Variants in TAS2R3 observed in about 807,000 individuals in gnomAD.
TAS2R3 encodes taste 2 receptor member 3, also known as taste receptor type 2 member 3.
In TAS2R3, 10 loss-of-function variants were observed where a neutral mutation model predicts 15.3. That is an observed-to-expected ratio of 0.65 (90% CI 0.40 to 1.11). The LOEUF is 1.11. Ranked by LOEUF, TAS2R3 falls within the 50% of genes least tolerant of loss-of-function variation. The probability of loss-of-function intolerance (pLI) is 0.00; values close to 1 mark genes in which losing one functional copy is unlikely to be tolerated. For synonymous variants in TAS2R3, 162 were observed against 141.3 expected (o/e 1.15, Z -1.04); for missense variants, 383 against 370.3 (o/e 1.03, Z -0.28).
At position 141,764,572 on chromosome 7, in the gene TAS2R3, G is replaced by A. The variant is rs144545407; in HGVS notation, c.414G>A (p.Leu138=). ...TGGTATGGATGCTGTTGGGTGCACT[G>A]CTCTTATCCTGTGGTAGTACCGCAT... ...RVMVWMLLGA[L]LLSCGSTASL... The change falls in exon 1 of 1, where the codon CTG becomes CTA. Residue 138 remains leucine (L), a synonymous_variant. Transcript: ENST00000247879. 4.3e-6 allele frequency: 7 copies of A among 1,614,086 alleles called. No homozygotes were observed. In the African/African-American group the frequency reaches 9.3e-5, roughly 22 times the overall value.
Position 141,764,114 on chromosome 7 carries a change from T to C in TAS2R3, c.-45T>C, listed in dbSNP as rs765007. The C allele has an allele frequency of 0.51, 792,147 of 1,563,914 alleles. 202,803 individuals are homozygous for C. The highest frequency in any genetic ancestry group is 0.77 in the East Asian group (34,104 of 44,438). ...ATATCACATCAGTGAGGAGATTCTA[T>C]GTATCAACAGAAAGAACAAAGATCA... On this transcript the variant is annotated 5_prime_UTR_variant, in exon 1 of 1. An upstream start codon of the reference 5' UTR is lost. Transcript: ENST00000247879.
Position 141,764,905 on chromosome 7 carries a change from T to A in TAS2R3, c.747T>A (p.Ala249=), listed in dbSNP as rs1800106801. 6.2e-7 allele frequency: 1 copy of A among 1,614,134 alleles called. No homozygotes were observed. The highest frequency in any genetic ancestry group is 1.3e-5 in the African/African-American group (1 of 74,946). ...FFFLFLLYFL[A]FLIASFGNFL... Reference sequence around the variant, plus strand: ...TTCTCTTCTTACTTTACTTTCTTGCTTTCTTAATTGCATCATTTGGTAATT... The same window carrying A: ...TTCTCTTCTTACTTTACTTTCTTGCATTCTTAATTGCATCATTTGGTAATT... The change falls in exon 1 of 1, where the codon GCT becomes GCA. Residue 249 remains alanine, a synonymous_variant. Coordinates refer to ENST00000247879, the MANE Select transcript of TAS2R3 (RefSeq NM_016943.2).
In TAS2R3 at chr7:141,764,387, G is replaced by A; in HGVS notation, c.229G>A (p.Asp77Asn). Reference sequence around the variant, plus strand: ...AATAGAATTCTCTCCCAACACACATGATTCAGGGATAATAATGCAAATTAT... The same window carrying A: ...AATAGAATTCTCTCCCAACACACATAATTCAGGGATAATAATGCAAATTAT... ...FLIEFSPNTH[D>N]SGIIMQIIDV... Residue 77 changes from aspartate (D) to asparagine (N), a missense_variant, in exon 1 of 1, where the codon GAT becomes AAT. Coordinates refer to ENST00000247879, the MANE Select transcript of TAS2R3 (RefSeq NM_016943.2). 6.2e-7 allele frequency: 1 copy of A among 1,614,116 alleles called. No individual in the cohort carries two copies.
At position 141,764,273 on chromosome 7, in the gene TAS2R3, A is replaced by G. The variant is rs1255387719; in HGVS notation, c.115A>G (p.Lys39Glu). The G allele has an allele frequency of 6.2e-7, 1 of 1,614,232 alleles. No homozygotes were observed. The highest frequency in any genetic ancestry group is 2.2e-5 in the East Asian group (1 of 44,886). The change falls in exon 1 of 1, where the codon AAG becomes GAG. Residue 39 changes from lysine (K) to glutamate (E), a missense_variant. Lys to Glu is a moderately conservative substitution (Grantham distance 56, BLOSUM62 1). Transcript: ENST00000247879. ...LVNGSSWFKTKRMSLSDFIIT... is the reference protein window; with the variant it reads ...LVNGSSWFKTERMSLSDFIIT... ...CAATGGTAGCAGCTGGTTCAAGACC[A>G]AGAGAATGTCTTTGTCTGACTTCAT...
Position 141,764,661 on chromosome 7 carries a change from C to G in TAS2R3, c.503C>G (p.Thr168Ser). ...GGAATTGAGGCCACCAGGAATGTGA[C>G]TGAACACTTCAGAAAGAAGAGGAGT... ...FRGIEATRNV[T>S]EHFRKKRSEY... Residue 168 changes from threonine to serine, a missense_variant, in exon 1 of 1, where the codon ACT becomes AGT. Transcript: ENST00000247879. 6.2e-7 allele frequency: 1 copy of G among 1,614,160 alleles called. No homozygotes were observed. Among genetic ancestry groups the G allele is most frequent in the Non-Finnish European group, 8.5e-7 (1 of 1,180,036 alleles).
the TAS2R3 span, chr7:141,764,408 AT>A: frequency 1.2e-6 from 2 of 1,614,108 alleles, no homozygotes; most frequent in Non-Finnish European, 1.7e-6. Context: ...AATAATGCAA[AT>A]TATTGATGTT....
In TAS2R3 at chr7:141,764,335, G is replaced by C; in HGVS notation, c.177G>C (p.Leu59=). The C allele has an allele frequency of 1.9e-6, 3 of 1,614,206 alleles. No homozygotes were observed. Among genetic ancestry groups the C allele is most frequent in the Middle Eastern group, 1.6e-4 (1 of 6,062 alleles). The change falls in exon 1 of 1, where the codon CTG becomes CTC. Residue 59 remains leucine (L), a synonymous_variant. Transcript: ENST00000247879. ...TTLALLRIIL[L]CIILTDSFLI... is the part of the protein sequence containing the mutation. ...TGGCACTCTTGAGGATCATTCTGCTGTGTATTATCTTGACTGATAGTTTTT... is the reference window on the plus strand; with the variant it reads ...TGGCACTCTTGAGGATCATTCTGCTCTGTATTATCTTGACTGATAGTTTTT...
At position 141,764,780 on chromosome 7, in the gene TAS2R3, G is replaced by A. The variant is rs759037655; in HGVS notation, c.622G>A (p.Gly208Arg). ...CTACTCTTTGCTCATCTTCTCCCTG[G>A]GGAGGCACACACGGCAGATGCTGCA... Reference protein sequence around the residue: ...ASYSLLIFSLGRHTRQMLQNG... With the variant: ...ASYSLLIFSLRRHTRQMLQNG... Residue 208 changes from glycine (G) to arginine (R), a missense_variant, in exon 1 of 1, where the codon GGG (glycine) becomes AGG (arginine). Transcript: ENST00000247879. The A allele has an allele frequency of 2.5e-6, 4 of 1,613,806 alleles. No individual in the cohort carries two copies. The highest frequency in any genetic ancestry group is 3.4e-6 in the Non-Finnish European group (4 of 1,179,888).
At chr7:141,764,366 G>T in the TAS2R3 span, 46 of 1,614,082 alleles carry the variant, frequency 2.8e-5, no homozygotes, top group South Asian at 4.7e-4. Flanking sequence ...TTTTTTAATA[G>T]AATTCTCTCC....
In TAS2R3 at chr7:141,764,500, C is replaced by T; in HGVS notation, c.342C>T (p.Phe114=). The T allele has an allele frequency of 2.5e-6, 4 of 1,614,148 alleles. No individual in the cohort carries two copies. The highest frequency in any genetic ancestry group is 3.4e-6 in the Non-Finnish European group (4 of 1,180,038). The change falls in exon 1 of 1, where the codon TTC becomes TTT. Residue 114 remains phenylalanine (F), a synonymous_variant. Coordinates refer to ENST00000247879, the MANE Select transcript of TAS2R3 (RefSeq NM_016943.2). ...GVLYCLKIAS[F]SHPTFLWLKW... is the part of the protein sequence containing the mutation. ...TCTACTGCCTGAAAATCGCCAGTTT[C>T]TCTCACCCCACATTCCTCTGGCTCA...
Position 141,765,046 on chromosome 7 carries a change from A to G in TAS2R3, c.888A>G (p.Val296=). The G allele has an allele frequency of 1.9e-6, 3 of 1,614,172 alleles. No individual in the cohort carries two copies. Among genetic ancestry groups the G allele is most frequent in the Middle Eastern group, 1.6e-4 (1 of 6,062 alleles). The change falls in exon 1 of 1, where the codon GTA becomes GTG. Residue 296 remains valine (V), a synonymous_variant. Coordinates refer to ENST00000247879, the MANE Select transcript of TAS2R3 (RefSeq NM_016943.2). Reference sequence around the variant, plus strand: ...ACAGTAAGCTGAAGCAGACATTTGTAGTGATGCTCCGGTGTGAGTCTGGTC... The same window carrying G: ...ACAGTAAGCTGAAGCAGACATTTGTGGTGATGCTCCGGTGTGAGTCTGGTC... ...LGNSKLKQTF[V]VMLRCESGHL...
rs998212808 is a variant in TAS2R3, at chr7:141,764,335, G to A, written c.177G>A (p.Leu59=). The A allele has an allele frequency of 2.5e-6, 4 of 1,614,206 alleles. No individual in the cohort carries two copies. Among genetic ancestry groups the A allele is most frequent in the South Asian group, 1.1e-5 (1 of 91,082 alleles). ...TTLALLRIIL[L]CIILTDSFLI... The stretch of plus-strand genomic sequence containing the variant: ...TGGCACTCTTGAGGATCATTCTGCT[G>A]TGTATTATCTTGACTGATAGTTTTT... The change falls in exon 1 of 1, where the codon CTG becomes CTA. Residue 59 remains leucine (L), a synonymous_variant. Coordinates refer to ENST00000247879, the MANE Select transcript of TAS2R3 (RefSeq NM_016943.2).
Position 141,764,727 on chromosome 7 carries a change from T to C in TAS2R3, c.569T>C (p.Leu190Pro). 6.2e-7 allele frequency: 1 copy of C among 1,614,102 alleles called. No individual in the cohort carries two copies. Among genetic ancestry groups the C allele is most frequent in the Non-Finnish European group, 8.5e-7 (1 of 1,179,988 alleles). The change falls in exon 1 of 1, where the codon CTG (leucine) becomes CCG (proline). Residue 190 changes from leucine (L) to proline (P), a missense_variant. Physicochemically the swap from Leu to Pro is moderately conservative, Grantham distance 98 (BLOSUM62 -3). Transcript: ENST00000247879. The stretch of plus-strand genomic sequence containing the variant: ...CATGTTCTTGGGACTCTGTGGTACC[T>C]GCCTCCCTTAATTGTGTCCCTGGCC... The part of the protein sequence containing the change: ...LIHVLGTLWY[L>P]PPLIVSLASY...
Position 141,764,220 on chromosome 7 carries a change from T to G in TAS2R3, c.62T>G (p.Ile21Ser), listed in dbSNP as rs1181668587. The change falls in exon 1 of 1, where the codon ATT becomes AGT. Residue 21 changes from isoleucine to serine, a missense_variant. Transcript: ENST00000247879. Reference sequence around the variant, plus strand: ...TCTGGCACTCAGTTCACACTGGGAATTCTGGTCAATTGTTTCATTGAGTTG... The same window carrying G: ...TCTGGCACTCAGTTCACACTGGGAAGTCTGGTCAATTGTTTCATTGAGTTG... The part of the protein sequence containing the change: ...ILSGTQFTLG[I>S]LVNCFIELVN... 2 of 1,614,062 alleles carry G rather than the reference T, an allele frequency of 1.2e-6. No homozygotes were observed. Among genetic ancestry groups the G allele is most frequent in the Non-Finnish European group, 1.7e-6 (2 of 1,180,032 alleles).
In TAS2R3 at chr7:141,764,745, C is replaced by G; in HGVS notation, c.587C>G (p.Ser196Cys). The G allele has an allele frequency of 6.2e-7, 1 of 1,613,876 alleles. No individual in the cohort carries two copies. Among genetic ancestry groups the G allele is most frequent in the African/African-American group, 1.3e-5 (1 of 75,038 alleles). Residue 196 changes from serine to cysteine, a missense_variant, in exon 1 of 1, where the codon TCC becomes TGC. By Grantham distance (112) the Ser-to-Cys change is moderately radical (BLOSUM62 -1). Transcript: ENST00000247879. ...TGGTACCTGCCTCCCTTAATTGTGTCCCTGGCCTCCTACTCTTTGCTCATC... is the reference window on the plus strand; with the variant it reads ...TGGTACCTGCCTCCCTTAATTGTGTGCCTGGCCTCCTACTCTTTGCTCATC... ...TLWYLPPLIV[S>C]LASYSLLIFS... is the part of the protein sequence containing the mutation.
Position 141,765,178 on chromosome 7 carries a change from GAC to G in TAS2R3, c.*70_*71del. 2 of 1,475,890 alleles carry G rather than the reference GAC, an allele frequency of 1.4e-6. No individual in the cohort carries two copies. Among genetic ancestry groups the G allele is most frequent in the Non-Finnish European group, 1.8e-6 (2 of 1,096,498 alleles). 91.4% of individuals were successfully genotyped at this position (1,475,890 alleles called of 1,614,324 possible). On this transcript the variant is annotated 3_prime_UTR_variant, in exon 1 of 1. Coordinates refer to ENST00000247879, the MANE Select transcript of TAS2R3 (RefSeq NM_016943.2). ...GGCTCAAGACTACAGGACTCTTCCTGACCTTCCTATGTTACCAGTTCCATAAC... is the reference window on the plus strand; with the variant it reads ...GGCTCAAGACTACAGGACTCTTCCTGCTTCCTATGTTACCAGTTCCATAAC...
At position 141,765,070 on chromosome 7, in the gene TAS2R3, T is replaced by C; in HGVS notation, c.912T>C (p.Gly304=). Residue 304 remains glycine (G), a synonymous_variant, in exon 1 of 1, where the codon GGT becomes GGC. Transcript: ENST00000247879. ...TFVVMLRCES[G]HLKPGSKGPI... ...TAGTGATGCTCCGGTGTGAGTCTGG[T>C]CATCTGAAGCCTGGATCCAAGGGAC... 2 of 1,613,946 alleles carry C rather than the reference T, an allele frequency of 1.2e-6. No homozygotes were observed. Among genetic ancestry groups the C allele is most frequent in the Middle Eastern group, 3.3e-4 (2 of 6,062 alleles).
Position 141,764,179 on chromosome 7 carries a change from G to T in TAS2R3, c.21G>T (p.Gly7=), listed in dbSNP as rs371445965. MMGLTE[G]VFLILSGTQF... ...CTGACATGATGGGACTCACCGAGGG[G>T]GTGTTCCTGATTCTGTCTGGCACTC... is the stretch of plus-strand genomic sequence containing the variant. The change falls in exon 1 of 1, where the codon GGG becomes GGT. Residue 7 remains glycine (G), a synonymous_variant. Coordinates refer to ENST00000247879, the MANE Select transcript of TAS2R3 (RefSeq NM_016943.2). 1.9e-6 allele frequency: 3 copies of T among 1,613,238 alleles called. No individual in the cohort carries two copies. Among genetic ancestry groups the T allele is most frequent in the East Asian group, 2.2e-5 (1 of 44,866 alleles).
In TAS2R3 at chr7:141,764,348, A is replaced by G. The variant is rs1800097533; in HGVS notation, c.190A>G (p.Thr64Ala). ...LRIILLCIILTDSFLIEFSPN... is the reference protein window; with the variant it reads ...LRIILLCIILADSFLIEFSPN... ...GATCATTCTGCTGTGTATTATCTTG[A>G]CTGATAGTTTTTTAATAGAATTCTC... The change falls in exon 1 of 1, where the codon ACT (threonine) becomes GCT (alanine). Residue 64 changes from threonine to alanine, a missense_variant. Transcript: ENST00000247879. 1 of 1,614,152 alleles carries G rather than the reference A, an allele frequency of 6.2e-7. No individual in the cohort carries two copies. Among genetic ancestry groups the G allele is most frequent in the African/African-American group, 1.3e-5 (1 of 75,044 alleles).
Sources: gnomAD v4.1 joint callset for allele counts on GRCh38, gnomAD v4.1.1 for gene constraint, MANE v1.5 for transcripts, NCBI Gene and HGNC (gene_info 2026-07-23, HGNC 2026-07-21) for gene names.